The following FBXL2 variants were observed in gnomAD, a reference collection of about 807,000 sequenced individuals.
FBXL2 encodes F-box and leucine rich repeat protein 2.
A neutral mutation model predicts 69.2 loss-of-function variants in FBXL2; 38 were observed. That is an observed-to-expected ratio of 0.55 (90% confidence interval 0.42 to 0.72). The LOEUF (loss-of-function observed/expected upper bound fraction) is 0.72. Ranked by LOEUF, FBXL2 falls within the 30% of genes least tolerant of loss-of-function variation. The pLI is 0.00. For synonymous variants in FBXL2, 192 were observed against 201.3 expected (o/e 0.95, Z 0.39); for missense variants, 354 against 520.3 (o/e 0.68, Z 3.11).
rs2154053429 is a variant in FBXL2 at position 33,387,779 on chromosome 3, G to A, written c.*2171G>A. 1 of 151,768 alleles carries A rather than the reference G, an allele frequency of 6.6e-6. No homozygotes were observed. Among genetic ancestry groups the A allele is most frequent in the South Asian group, 2.1e-4 (1 of 4,808 alleles). 9.4% of individuals were successfully genotyped at this position (151,768 alleles called of 1,614,324 possible). A position where few individuals can be genotyped will look rare whatever the true frequency, so the allele number is the denominator to read the frequency against. ...AGGAGAACCTCTTGTAAGAAAATCA[G>A]GTTTGCAGGCTGGGCACGGTGGCTC... is the stretch of plus-strand genomic sequence containing the variant. On this transcript the variant is annotated 3_prime_UTR_variant, in exon 15 of 15. Transcript: ENST00000484457.
intron 5 of FBXL2, chr3:33,372,889 C>G (rs1457189757): frequency 3.3e-6 from 2 of 615,022 alleles, no homozygotes; most frequent in Non-Finnish European, 5.8e-6. Context: ...CTGGCATCAC[C>G]TGGGAGTTTC....
At chr3:33,285,754 C>G (rs1295804948) in intron 1 of FBXL2, among the ~76,000 whole-genome samples, 2 of 152,158 alleles carry the variant, frequency 1.3e-5, no homozygotes, top group Admixed American at 6.5e-5. Context: ...TCTTTTTTCT[C>G]TAAACTTCTG....
At chr3:33,360,835 A>T (rs111921974) in intron 4 of FBXL2, among the ~76,000 whole-genome samples, 2,111 of 136,596 alleles carry the variant, frequency 0.015, 21 homozygotes, top group South Asian at 0.03. Flanking sequence ...CAAAATACTT[A>T]CTCTTTTTCT....
intron 1 of FBXL2, among the ~76,000 whole-genome samples, chr3:33,296,018 TTCCTACACTTTCTTGA>T (rs1232119411): frequency 6.6e-6 from 1 of 152,190 alleles, no homozygotes; most frequent in African/African-American, 2.4e-5. Context: ...GTGGGTTTTT[TTCCTACACTTTCTTGA>T]TGGTGCCCTT....
At chr3:33,369,847 A>G (rs1345666574) in intron 5 of FBXL2, among the ~76,000 whole-genome samples, 4 of 152,100 alleles carry the variant, frequency 2.6e-5, no homozygotes, top group African/African-American at 9.7e-5. Context: ...TCCTGGCCTC[A>G]AGTGATCTGC....
intron 12 of FBXL2, chr3:33,393,547 T>G: frequency 8.1e-7 from 1 of 1,229,734 alleles, no homozygotes. Context: ...AGGTCACACC[T>G]TTCAAAGTAC....
chr3:33,392,258 C>T (rs571711210), downstream of FBXL2: 28 of 258,912 alleles, frequency 1.1e-4, no homozygotes, highest in Non-Finnish European at 1.8e-4. Flanking sequence ...ATAGGAGTTT[C>T]ATGGATTCTG....
intron 1 of FBXL2, among the ~76,000 whole-genome samples, chr3:33,288,678 GC>G (rs2034908338): frequency 1.3e-5 from 2 of 152,206 alleles, no homozygotes; most frequent in South Asian, 4.1e-4. Context: ...AACCAGTGGG[GC>G]TGGAGTGTAG....
the FBXL2 span, among the ~76,000 whole-genome samples, chr3:33,422,574 A>C: frequency 1.3e-5 from 2 of 151,758 alleles, no homozygotes; most frequent in Admixed American, 6.6e-5. Context: ...TTTTTTTAAA[A>C]ATTTGCCAGG....
rs183017483 is a variant in FBXL2 at position 33,357,102 on chromosome 3, G to A, written c.66-1865G>A. On this transcript the variant is annotated intron_variant, in intron 2 of 14. Coordinates refer to ENST00000484457, the MANE Select transcript of FBXL2 (RefSeq NM_012157.5). ...TAATAGCACAACACCTCATAGCAGT[G>A]AACTAGCATATAAACCATGGTTGGC... is the stretch of plus-strand genomic sequence containing the variant. Among the ~76,000 whole-genome samples the A allele has an allele frequency of 3.3e-4, 51 of 152,264 alleles. 2 individuals are homozygous for A. Among genetic ancestry groups the A allele is most frequent in the Admixed American group, 1.8e-3 (28 of 15,304 alleles).
At chr3:33,324,587 A>C (rs929012859) in intron 2 of FBXL2, among the ~76,000 whole-genome samples, 1 of 152,046 alleles carries the variant, frequency 6.6e-6, no homozygotes, top group African/African-American at 2.4e-5. Context: ...TGTTTTTCTC[A>C]GGTTTGTCAA....
intron 2 of FBXL2, among the ~76,000 whole-genome samples, chr3:33,315,889 A>G (rs1043159921): frequency 6.6e-6 from 1 of 151,542 alleles, no homozygotes; most frequent in African/African-American, 2.4e-5. Context: ...CTTAATGGAG[A>G]TGTAAGTGAG....
At chr3:33,301,176 AC>A (rs1221541509) in intron 2 of FBXL2, among the ~76,000 whole-genome samples, 7 of 151,916 alleles carry the variant, frequency 4.6e-5, no homozygotes, top group African/African-American at 1.7e-4. Flanking sequence ...TTCATTGTCT[AC>A]CCTTGGCTTA....
intron 2 of FBXL2, among the ~76,000 whole-genome samples, chr3:33,320,679 C>A (rs761422724): frequency 7.9e-5 from 12 of 151,926 alleles, no homozygotes; most frequent in Admixed American, 7.9e-4. Context: ...CGGGGTTTCA[C>A]CATGTTGGTC....
downstream of FBXL2, chr3:33,390,162 CAGTGAG>C (rs1373899209): frequency 1.5e-6 from 1 of 650,410 alleles, no homozygotes; most frequent in African/African-American, 1.8e-5. Context: ...ATGGCAGTGA[CAGTGAG>C]GAGATTCACC....
intron 2 of FBXL2, chr3:33,317,491 TAAC>T (rs1346892361): frequency 1.1e-5 from 5 of 456,610 alleles, no homozygotes; most frequent in East Asian, 7.0e-5. Flanking sequence ...AGGGACAGGA[TAAC>T]AACAATAAAC....
At chr3:33,391,206 A>G (rs1343444169), downstream of FBXL2, 2 of 152,208 alleles carry the variant, frequency 1.3e-5, no homozygotes, top group Non-Finnish European at 2.9e-5. Flanking sequence ...TAAAATCAGT[A>G]TTTCAGTAGT....
intron 12 of FBXL2, among the ~76,000 whole-genome samples, chr3:33,395,495 A>G (rs2043940952): frequency 6.6e-6 from 1 of 152,126 alleles, no homozygotes; most frequent in African/African-American, 2.4e-5. Flanking sequence ...GGAGAAGCCA[A>G]GATTATCTCT....
At chr3:33,401,135 G>C in intron 12 of FBXL2, 2 of 877,660 alleles carry the variant, frequency 2.3e-6, no homozygotes, top group Non-Finnish European at 3.3e-6. Context: ...AACAGTGGGA[G>C]ACAGCTATGA....
Sources: allele counts gnomAD v4.1 joint callset (sites outside exome capture counted in the v4.1 genomes callset), GRCh38; gene constraint gnomAD v4.1.1; transcripts MANE v1.5; gene names NCBI Gene and HGNC (gene_info 2026-07-23, HGNC 2026-07-21).